PIEZO1: variants seen among roughly 807,000 people sequenced by gnomAD.
PIEZO1 encodes the protein piezo-type mechanosensitive ion channel component 1.
PIEZO1 carries 296 observed loss-of-function variants against 297.2 expected under a neutral mutation model. The observed-to-expected ratio is 1.00, with a 90% CI of 0.91 to 1.10. PIEZO1 has a LOEUF of 1.10. PIEZO1 is among the 50% of genes least tolerant of loss of function. PIEZO1 has a pLI of 0.00. For synonymous variants in PIEZO1, 2,427 were observed against 1,507.5 expected, an observed-to-expected ratio of 1.61 and a Z score of -14.13; for missense variants, 5,018 against 3,455.5, an observed-to-expected ratio of 1.45 and a Z score of -11.34.
At chr16:88,733,816 G>A in intron 17 of PIEZO1, 71 bp from the exon 18 acceptor site, 5 of 1,467,032 alleles carry the variant, frequency 3.4e-6, no homozygotes, top group Non-Finnish European at 4.5e-6. Context: ...AAGAGGCTCT[G>A]GAGCCCAGAG....
chr16:88,744,585 C>T (rs960662960), intron 2 of PIEZO1, among the ~76,000 whole-genome samples: 2 of 151,158 alleles, frequency 1.3e-5, no homozygotes, highest in African/African-American at 2.4e-5. Flanking sequence ...TTGCCCTGCA[C>T]GACAGTCCAG....
chr16:88,720,850 C>T, intron 39 of PIEZO1, 102 bp from the exon 40 acceptor site: 1 of 1,304,270 alleles, frequency 7.7e-7, no homozygotes. Flanking sequence ...GTTTGACAGA[C>T]AAGCAGACGG....
intron 5 of PIEZO1, 91 bp downstream of exon 5, chr16:88,741,387 G>T: frequency 8.2e-7 from 1 of 1,224,508 alleles, no homozygotes; most frequent in Non-Finnish European, 1.1e-6. Flanking sequence ...GTCTACATCT[G>T]TTTTAAAAAG....
At chr16:88,748,132 C>T (rs552881775) in intron 2 of PIEZO1, among the ~76,000 whole-genome samples, 6 of 152,194 alleles carry the variant, frequency 3.9e-5, no homozygotes, top group Non-Finnish European at 7.4e-5. Context: ...AGGTCTCTTG[C>T]TGCCTACACT....
Position 88,719,937 on chromosome 16 carries a change from G to C in PIEZO1, c.6188C>G (p.Ala2063Gly). Residue 2063 changes from alanine (A) to glycine (G), a missense_variant, in exon 43 of 51, where the codon GCC becomes GGC. Transcript: ENST00000301015. The stretch of plus-strand genomic sequence containing the variant: ...GCACTTCACGAAGTACCAGAGCTGG[G>C]CCACCACATTCTGGTTGAACATCCT... Reference protein sequence around the residue: ...TERMFNQNVVAQLWYFVKCIY... With the variant: ...TERMFNQNVVGQLWYFVKCIY... 6.5e-7 allele frequency: 1 copy of C among 1,550,350 alleles called. No homozygotes were observed.
intron 1 of PIEZO1, among the ~76,000 whole-genome samples, chr16:88,758,645 C>G (rs961307985): frequency 6.6e-6 from 1 of 152,190 alleles, no homozygotes; most frequent in African/African-American, 2.4e-5. Context: ...GCAGGGGGTG[C>G]GGCAGAACCC....
At chr16:88,776,376 G>A (rs1206252123) in intron 1 of PIEZO1, among the ~76,000 whole-genome samples, 2 of 152,242 alleles carry the variant, frequency 1.3e-5, no homozygotes, top group South Asian at 4.1e-4. Flanking sequence ...AGAGCTTGCA[G>A]TGAGCCCAGA....
In PIEZO1 at chr16:88,726,724, G is replaced by A; in HGVS notation, c.3690C>T (p.Asn1230=). The A allele has an allele frequency of 2.6e-6, 4 of 1,549,862 alleles. No individual in the cohort carries two copies. The highest frequency in any genetic ancestry group is 2.4e-5 in the South Asian group (2 of 84,046). ...LYNVTVIISK[N]MLSLLACVFV... ...GGGGCCGGAGGCTCACCGACAGCAT[G>A]TTCTTGGAGATGATGACGGTGACGT... is the stretch of plus-strand genomic sequence containing the variant. The change falls in exon 25 of 51, where the codon AAC becomes AAT. Residue 1230 remains asparagine (N), a synonymous_variant. Coordinates refer to ENST00000301015, the MANE Select transcript of PIEZO1 (RefSeq NM_001142864.4).
At chr16:88,747,795 A>T (rs2142858727) in intron 2 of PIEZO1, among the ~76,000 whole-genome samples, 3 of 152,298 alleles carry the variant, frequency 2.0e-5, no homozygotes, top group Middle Eastern at 6.8e-3. Context: ...GGGGAGGCAG[A>T]TGGGACGAAG....
At chr16:88,738,774 C>T (rs1180825991) in intron 5 of PIEZO1, 38 bp from the exon 6 acceptor site, 6 of 1,495,660 alleles carry the variant, frequency 4.0e-6, no homozygotes, top group African/African-American at 1.4e-5. Context: ...TCAGGTGTAT[C>T]GCACTGACGC....
intron 12 of PIEZO1, among the ~76,000 whole-genome samples, chr16:88,735,888 G>T (rs551049384): frequency 6.6e-6 from 1 of 152,088 alleles, no homozygotes; most frequent in Non-Finnish European, 1.5e-5. Flanking sequence ...GGTGGTGCCC[G>T]TGCCAACAGA....
In PIEZO1 at chr16:88,715,741, A is replaced by T. The variant is rs1259908082; in HGVS notation, c.7430T>A (p.Ile2477Asn). Reference protein sequence around the residue: ...MFEELPCVDRILKLCQDIFLV... With the variant: ...MFEELPCVDRNLKLCQDIFLV... ...GAAGATGTCCTGGCAGAGCTTGAGG[A>T]TGCGGTCCACGCACGGCAGCTCCTC... Residue 2477 changes from isoleucine (I) to asparagine (N), a missense_variant, in exon 51 of 51, where the codon ATC (isoleucine) becomes AAC (asparagine). Ile to Asn is a moderately radical substitution (Grantham distance 149). Transcript: ENST00000301015. 1 of 1,550,354 alleles carries T rather than the reference A, an allele frequency of 6.5e-7. No homozygotes were observed.
intron 2 of PIEZO1, among the ~76,000 whole-genome samples, chr16:88,747,567 G>C (rs1444470789): frequency 6.6e-6 from 1 of 152,232 alleles, no homozygotes; most frequent in Non-Finnish European, 1.5e-5. Context: ...CCACGAGCTA[G>C]GAGGAGCCTC....
intron 7 of PIEZO1, 25 bp downstream of exon 7, chr16:88,738,202 A>G (rs1181080165): frequency 6.5e-7 from 1 of 1,534,702 alleles, no homozygotes; most frequent in Admixed American, 2.0e-5. Flanking sequence ...TGGCAGGAAA[A>G]AGGGGCTGTG....
At chr16:88,762,708 G>C (rs969704978) in intron 1 of PIEZO1, among the ~76,000 whole-genome samples, 1 of 152,224 alleles carries the variant, frequency 6.6e-6, no homozygotes, top group African/African-American at 2.4e-5. Context: ...AGTGGCTTCT[G>C]TTGTGCCACT....
At position 88,785,180 on chromosome 16, in the gene PIEZO1, C is replaced by T. The variant is rs1181039090; in HGVS notation, c.-216G>A. 9 of 270,900 alleles carry T rather than the reference C, an allele frequency of 3.3e-5. No individual in the cohort carries two copies. Among genetic ancestry groups the T allele is most frequent in the Non-Finnish European group, 6.1e-5 (9 of 147,488 alleles). 16.8% of individuals were successfully genotyped at this position (270,900 alleles called of 1,614,324 possible). A position where few individuals can be genotyped will look rare whatever the true frequency, so the allele number is the denominator to read the frequency against. ...CCCTGCCCCTCGGCGGAGCGCAGCG[C>T]TCGGCTCACTGGGGCCGAGCTGGGC... On this transcript the variant is annotated 5_prime_UTR_variant, in exon 1 of 51. Coordinates refer to ENST00000301015, the MANE Select transcript of PIEZO1 (RefSeq NM_001142864.4).
chr16:88,720,322 C>T, intron 41 of PIEZO1, 39 bp from the exon 42 acceptor site: 1 of 1,550,098 alleles, frequency 6.5e-7, no homozygotes. Context: ...GAGCCAAGCC[C>T]AGGGGATGTG....
chr16:88,732,171 C>A (rs1374168335), intron 21 of PIEZO1, among the ~76,000 whole-genome samples, 164 bp downstream of exon 21: 3 of 152,006 alleles, frequency 2.0e-5, no homozygotes, highest in Non-Finnish European at 4.4e-5. Flanking sequence ...AGCACCGACA[C>A]ACCACAGGAG....
intron 5 of PIEZO1, 195 bp from the exon 6 acceptor site, chr16:88,738,931 C>G (rs909553080): frequency 2.2e-5 from 13 of 599,190 alleles, no homozygotes; most frequent in Non-Finnish European, 3.8e-5. Context: ...CTTCCTCACT[C>G]AAGCTCACAG....
Sources: allele counts gnomAD v4.1 joint callset (sites outside exome capture counted in the v4.1 genomes callset), GRCh38; gene constraint gnomAD v4.1.1; transcripts MANE v1.5; gene names NCBI Gene and HGNC (gene_info 2026-07-23, HGNC 2026-07-21).